The following STEAP2 variants were observed in gnomAD, a reference collection of about 807,000 sequenced individuals.
The protein encoded by STEAP2 is STEAP2 metalloreductase.
In STEAP2, 30 loss-of-function variants were observed where a neutral mutation model predicts 46.4. The ratio of observed to expected loss-of-function variants is 0.65; its 90% CI spans 0.48 to 0.88. The LOEUF is 0.88. Among genes scored for constraint, STEAP2 ranks in the 40% least tolerant of loss-of-function variants. The probability of loss-of-function intolerance (pLI) is 0.00; values close to 1 mark genes in which losing one functional copy is unlikely to be tolerated. For missense variants in STEAP2, 513 were observed against 579.3 expected (o/e 0.89, Z 1.18); for synonymous variants, 180 against 200.5 (o/e 0.90, Z 0.86).
downstream of STEAP2, among the ~76,000 whole-genome samples, chr7:90,241,382 G>A (rs1407115034): frequency 1.3e-5 from 2 of 152,274 alleles, no homozygotes; most frequent in East Asian, 3.9e-4. Flanking sequence ...AGGACCTGGA[G>A]TATTTACCTT....
chr7:90,223,665 G>T (rs1186863899), intron 2 of STEAP2, among the ~76,000 whole-genome samples: 2 of 152,164 alleles, frequency 1.3e-5, no homozygotes, highest in African/African-American at 4.8e-5. Context: ...TTACAAAGGG[G>T]AAGAAAAAGA....
intron 2 of STEAP2, among the ~76,000 whole-genome samples, chr7:90,221,019 G>A (rs1205819078): frequency 6.6e-6 from 1 of 152,036 alleles, no homozygotes. Flanking sequence ...TAAAAAATTT[G>A]TTGAATCTTA....
intron 2 of STEAP2, among the ~76,000 whole-genome samples, chr7:90,224,476 G>A (rs753652991): frequency 6.6e-6 from 1 of 152,186 alleles, no homozygotes; most frequent in African/African-American, 2.4e-5. Context: ...CTGCCTACGG[G>A]GTAGGCCTGC....
At chr7:90,241,700 C>T (rs1796063325), downstream of STEAP2, among the ~76,000 whole-genome samples, 1 of 152,134 alleles carries the variant, frequency 6.6e-6, no homozygotes, top group Non-Finnish European at 1.5e-5. Flanking sequence ...CTGCTCTAGA[C>T]AGTATGCTGA....
In STEAP2 at chr7:90,214,829, A is replaced by G. The variant is rs1230036722; in HGVS notation, c.-146-1662A>G. On this transcript the variant is annotated intron_variant, in intron 1 of 5. Transcript: ENST00000394621. ...GAAGTCCTGGAGACAGTGCTTGGAG[A>G]TTTCAGGCAGTGAGTGACTGAGGTG... is the stretch of plus-strand genomic sequence containing the variant. Among the ~76,000 whole-genome samples, 5 of 152,160 alleles carry G rather than the reference A, an allele frequency of 3.3e-5. 1 individual carries two copies. In the South Asian group the frequency reaches 6.2e-4, roughly 19 times the overall value.
chr7:90,238,361 C>T (rs1796017634), downstream of STEAP2, among the ~76,000 whole-genome samples: 1 of 152,194 alleles, frequency 6.6e-6, no homozygotes, highest in African/African-American at 2.4e-5. Flanking sequence ...TGCAGACAAA[C>T]AATAAATTAC....
chr7:90,237,116 G>A lies in STEAP2; in HGVS notation c.*4492G>A. On this transcript the variant is annotated 3_prime_UTR_variant, in exon 6 of 6. Coordinates refer to ENST00000394621, the MANE Select transcript of STEAP2 (RefSeq NM_001244944.2). ...TGCTGCTGGGATTGTGGATATAACA[G>A]GAGCCCTGGCAGCTGTCTCCAGAGG... The A allele has an allele frequency of 1.4e-6, 1 of 700,396 alleles. No individual in the cohort carries two copies. Among genetic ancestry groups the A allele is most frequent in the Non-Finnish European group, 2.3e-6 (1 of 439,188 alleles). The allele number at this position is 700,396 out of a possible 1,614,324, so 43.4% of individuals were successfully genotyped here.
rs67179118 is a variant in STEAP2, at chr7:90,228,411, A to AAAAAC, written c.1020+915_1020+916insAACAA. 4.0e-5 allele frequency among the ~76,000 whole-genome samples: 6 copies of AAAAAC among 151,724 alleles called. 1 individual carries two copies. Among genetic ancestry groups the AAAAAC allele is most frequent in the South Asian group, 4.1e-4 (2 of 4,822 alleles). ...TTTAAACCATTCACTCCCTGAAAAA[A>AAAAAC]AACTTCTCTTAATGGGATACTAAGG... On this transcript the variant is annotated intron_variant, in intron 4 of 5. Coordinates refer to ENST00000394621, the MANE Select transcript of STEAP2 (RefSeq NM_001244944.2).
rs1365428536 is a variant in STEAP2, at chr7:90,229,864, C to T, written c.1021-8C>T. 1 of 1,610,878 alleles carries T rather than the reference C, an allele frequency of 6.2e-7. No individual in the cohort carries two copies. The highest frequency in any genetic ancestry group is 8.5e-7 in the Non-Finnish European group (1 of 1,178,556). ...AATAAAGGAAATTCACATTCGCTTT[C>T]TTGTTAGGTTCATGCAAATATTGAA... is the stretch of plus-strand genomic sequence containing the variant. On this transcript the variant is annotated splice_region_variant and splice_polypyrimidine_tract_variant and intron_variant, in intron 4 of 5. Coordinates refer to ENST00000394621, the MANE Select transcript of STEAP2 (RefSeq NM_001244944.2).
rs1795816312 is a variant in STEAP2, at chr7:90,232,761, G to A, written c.*137G>A. On this transcript the variant is annotated 3_prime_UTR_variant, in exon 6 of 6. Coordinates refer to ENST00000394621, the MANE Select transcript of STEAP2 (RefSeq NM_001244944.2). ...TAAATGAGATTTCAACTGACTTAGTGATAGAGTTTTCTTCAAGTTAATTTT... is the reference window on the plus strand; with the variant it reads ...TAAATGAGATTTCAACTGACTTAGTAATAGAGTTTTCTTCAAGTTAATTTT... 1 of 1,330,200 alleles carries A rather than the reference G, an allele frequency of 7.5e-7. No individual in the cohort carries two copies. The allele number at this position is 1,330,200 out of a possible 1,614,324, so 82.4% of individuals were successfully genotyped here.
Position 90,237,139 on chromosome 7 carries a change from A to G in STEAP2, c.*4515A>G, listed in dbSNP as rs1388631436. ...CAGGAGCCCTGGCAGCTGTCTCCAG[A>G]GGATCAAAGCCACACCCAAAGAGTA... is the stretch of plus-strand genomic sequence containing the variant. On this transcript the variant is annotated 3_prime_UTR_variant, in exon 6 of 6. Coordinates refer to ENST00000394621, the MANE Select transcript of STEAP2 (RefSeq NM_001244944.2). The G allele has an allele frequency of 1.7e-6, 1 of 583,060 alleles. No homozygotes were observed. Among genetic ancestry groups the G allele is most frequent in the Admixed American group, 3.5e-5 (1 of 28,350 alleles). 36.1% of individuals were successfully genotyped at this position (583,060 alleles called of 1,614,324 possible).
At chr7:90,219,082 A>C (rs1456104168) in intron 2 of STEAP2, among the ~76,000 whole-genome samples, 1 of 151,578 alleles carries the variant, frequency 6.6e-6, no homozygotes, top group Non-Finnish European at 1.5e-5. Context: ...CTTTTTCAGC[A>C]AGTTCATTGT....
intron 2 of STEAP2, among the ~76,000 whole-genome samples, chr7:90,217,244 CATATCT>C (rs545253647): frequency 7.8e-4 from 119 of 152,272 alleles, no homozygotes; most frequent in Non-Finnish European, 1.3e-3. Context: ...GAGTATTTAT[CATATCT>C]ATGTGTTAAG....
In STEAP2 at chr7:90,236,526, G is replaced by T. The variant is rs974972220; in HGVS notation, c.*3902G>T. ...GATGTACATTCAGGACAAATGATTA[G>T]CCCTAAATGAAACTGTAATAATTTC... is the stretch of plus-strand genomic sequence containing the variant. On this transcript the variant is annotated 3_prime_UTR_variant, in exon 6 of 6. Coordinates refer to ENST00000394621, the MANE Select transcript of STEAP2 (RefSeq NM_001244944.2). The T allele has an allele frequency of 9.7e-7, 1 of 1,031,900 alleles. No individual in the cohort carries two copies. Among genetic ancestry groups the T allele is most frequent in the African/African-American group, 1.7e-5 (1 of 57,828 alleles). The allele number at this position is 1,031,900 out of a possible 1,614,324, so 63.9% of individuals were successfully genotyped here.
Position 90,227,004 on chromosome 7 carries a change from C to A in STEAP2, c.526C>A (p.Gln176Lys). The change falls in exon 4 of 6, where the codon CAA becomes AAA. Residue 176 changes from glutamine (Q) to lysine (K), a missense_variant. By Grantham distance (53) the Gln-to-Lys change is moderately conservative. Coordinates refer to ENST00000394621, the MANE Select transcript of STEAP2 (RefSeq NM_001244944.2). ...YICSNNIQAR[Q>K]QVIELARQLN... ...ATGCAGCAACAATATTCAAGCGCGA[C>A]AACAGGTTATTGAACTTGCCCGCCA... is the stretch of plus-strand genomic sequence containing the variant. The A allele has an allele frequency of 6.2e-7, 1 of 1,607,782 alleles. No homozygotes were observed. The highest frequency in any genetic ancestry group is 8.5e-7 in the Non-Finnish European group (1 of 1,177,782).
At position 90,234,760 on chromosome 7, in the gene STEAP2, A is replaced by G. The variant is rs913970078; in HGVS notation, c.*2136A>G. On this transcript the variant is annotated 3_prime_UTR_variant, in exon 6 of 6. Transcript: ENST00000394621. ...AGTAGAGACGGAGTTTCACCGTGTTAGCCAGGATGGTCTCGATCTCCTGAC... is the reference window on the plus strand; with the variant it reads ...AGTAGAGACGGAGTTTCACCGTGTTGGCCAGGATGGTCTCGATCTCCTGAC... 2.1e-5 allele frequency: 12 copies of G among 570,602 alleles called. No individual in the cohort carries two copies. The East Asian group carries it at 4.3e-4, about 20-fold the overall frequency. 35.3% of individuals were successfully genotyped at this position (570,602 alleles called of 1,614,324 possible).
Position 90,235,291 on chromosome 7 carries a change from T to C in STEAP2, c.*2667T>C. On this transcript the variant is annotated 3_prime_UTR_variant, in exon 6 of 6. Coordinates refer to ENST00000394621, the MANE Select transcript of STEAP2 (RefSeq NM_001244944.2). ...TTTCAGTACTACAAAAACAGAATAA[T>C]TTTGAAGTTTTAGAATAAATGTAAT... 1.0e-6 allele frequency: 1 copy of C among 971,626 alleles called. No individual in the cohort carries two copies. Among genetic ancestry groups the C allele is most frequent in the Non-Finnish European group, 1.2e-6 (1 of 817,162 alleles). The allele number at this position is 971,626 out of a possible 1,614,324, so 60.2% of individuals were successfully genotyped here.
In STEAP2 at chr7:90,234,193, A is replaced by G. The variant is rs1478925973; in HGVS notation, c.*1569A>G. ...TATAAATCTACTCTAGAGACATATA[A>G]TCATACAGATTATTCATAAAATTTT... On this transcript the variant is annotated 3_prime_UTR_variant, in exon 6 of 6. Coordinates refer to ENST00000394621, the MANE Select transcript of STEAP2 (RefSeq NM_001244944.2). The G allele has an allele frequency of 2.0e-6, 2 of 985,234 alleles. No homozygotes were observed. Among genetic ancestry groups the G allele is most frequent in the Non-Finnish European group, 2.4e-6 (2 of 829,896 alleles). 61.0% of individuals were successfully genotyped at this position (985,234 alleles called of 1,614,324 possible).
At chr7:90,223,902 C>T (rs1370760147) in intron 2 of STEAP2, among the ~76,000 whole-genome samples, 2 of 152,210 alleles carry the variant, frequency 1.3e-5, no homozygotes, top group Non-Finnish European at 2.9e-5. Context: ...GATAAAGTCA[C>T]TAGCTACTGA....
Sources: gnomAD v4.1 joint callset for allele counts (sites outside exome capture counted in the v4.1 genomes callset) on GRCh38, gnomAD v4.1.1 for gene constraint, MANE v1.5 for transcripts, NCBI Gene and HGNC (gene_info 2026-07-23, HGNC 2026-07-21) for gene names.